The following TMEM87A variants were observed in gnomAD, a reference collection of about 807,000 sequenced individuals.
The protein encoded by TMEM87A is Golgi-pH regulating cation channel.
A neutral mutation model predicts 90.0 loss-of-function variants in TMEM87A; 50 were observed. The observed-to-expected ratio is 0.56, with a 90% CI of 0.44 to 0.70. The LOEUF is 0.70. Ranked by LOEUF, TMEM87A falls within the 30% of genes least tolerant of loss-of-function variation. The pLI, the probability that TMEM87A is intolerant of heterozygous loss-of-function variation, is 0.00. For missense variants in TMEM87A, 577 were observed against 660.5 expected (o/e 0.87, Z 1.39); for synonymous variants, 226 against 226.7 (o/e 1.00, Z 0.03).
chr15:42,251,667 C>A (rs1384205702), intron 6 of TMEM87A, among the ~76,000 whole-genome samples: 4 of 152,218 alleles, frequency 2.6e-5, no homozygotes, highest in Admixed American at 2.0e-4. Context: ...TTGGCCCCTA[C>A]TGGGAGGTGT....
intron 6 of TMEM87A, chr15:42,258,068 G>A (rs1439156086): frequency 3.7e-5 from 36 of 974,402 alleles, no homozygotes; most frequent in Non-Finnish European, 4.3e-5. Context: ...TCACAACACT[G>A]CATAAAATTC....
Position 42,211,184 on chromosome 15 carries a change from A to T in TMEM87A, c.*524T>A, listed in dbSNP as rs2050279642. 1.3e-5 allele frequency: 2 copies of T among 151,174 alleles called. No homozygotes were observed. Among genetic ancestry groups the T allele is most frequent in the Non-Finnish European group, 1.5e-5 (1 of 67,918 alleles). 9.4% of individuals were successfully genotyped at this position (151,174 alleles called of 1,614,324 possible). ...TCATTGATAGAACTATGGCTCCTTAACTCAGAAGGGCCCTTTTTTCTCAAA... is the reference window on the plus strand; with the variant it reads ...TCATTGATAGAACTATGGCTCCTTATCTCAGAAGGGCCCTTTTTTCTCAAA... On this transcript the variant is annotated 3_prime_UTR_variant, in exon 20 of 20. Coordinates refer to ENST00000389834, the MANE Select transcript of TMEM87A (RefSeq NM_015497.5).
At position 42,228,755 on chromosome 15, in the gene TMEM87A, AGAGAG is replaced by A. The variant is rs1245394093; in HGVS notation, c.1192_1196del (p.Leu398PhefsTer77). ...GCGTGTTGGTGAAATGCCGATACAA[AGAGAG>A]TTTTACAATGTTCCTCCGAAGTTTT... is the stretch of plus-strand genomic sequence containing the variant. On this transcript the variant is annotated frameshift_variant, in exon 13 of 20. Coordinates refer to ENST00000389834, the MANE Select transcript of TMEM87A (RefSeq NM_015497.5). LOFTEE classifies it high-confidence loss of function. The A allele has an allele frequency of 6.2e-7, 1 of 1,609,932 alleles. No individual in the cohort carries two copies. Among genetic ancestry groups the A allele is most frequent in the Non-Finnish European group, 8.5e-7 (1 of 1,178,958 alleles).
intron 7 of TMEM87A, among the ~76,000 whole-genome samples, chr15:42,243,269 AAAATAAATAAAT>A (rs1204941803): frequency 1.7e-4 from 20 of 117,610 alleles, no homozygotes; most frequent in African/African-American, 4.9e-4. Flanking sequence ...TTCCATCTCA[AAAATAAATAAAT>A]AAATAAATAA....
At chr15:42,216,666 T>C (rs2050388158) in intron 19 of TMEM87A, among the ~76,000 whole-genome samples, 2 of 152,204 alleles carry the variant, frequency 1.3e-5, no homozygotes, top group Admixed American at 6.5e-5. Context: ...AGCAAAGTGT[T>C]ATGTAGATAG....
chr15:42,219,390 A>T (rs191158966), intron 17 of TMEM87A, among the ~76,000 whole-genome samples, 191 bp downstream of exon 17: 2 of 152,248 alleles, frequency 1.3e-5, no homozygotes, highest in East Asian at 1.9e-4. Flanking sequence ...TGCTGGGCAG[A>T]AGCTTTATAG....
At chr15:42,270,098 G>A (rs1204863832) in intron 2 of TMEM87A, among the ~76,000 whole-genome samples, 2 of 152,138 alleles carry the variant, frequency 1.3e-5, no homozygotes, top group African/African-American at 2.4e-5. Flanking sequence ...GGCCGGGCAC[G>A]GTGGCTCACA....
rs1329153979 is a variant in TMEM87A, at chr15:42,237,494, C to T, written c.806G>A (p.Gly269Glu). The T allele has an allele frequency of 6.2e-7, 1 of 1,614,098 alleles. No homozygotes were observed. Among genetic ancestry groups the T allele is most frequent in the South Asian group, 1.1e-5 (1 of 91,078 alleles). ...ATAGAAGACAGCTTTCTCAAGCATT[C>T]CCAGGAAGATGACAGCACCAATCCA... ...QFWIGAVIFL[G>E]MLEKAVFYAE... is the part of the protein sequence containing the mutation. The change falls in exon 9 of 20, where the codon GGA becomes GAA. Residue 269 changes from glycine (G) to glutamate (E), a missense_variant. Transcript: ENST00000389834.
intron 2 of TMEM87A, among the ~76,000 whole-genome samples, chr15:42,271,849 G>A (rs948560522): frequency 1.3e-5 from 2 of 151,098 alleles, no homozygotes; most frequent in African/African-American, 4.9e-5. Context: ...GTGTATATAT[G>A]CAATGTAAAC....
Position 42,211,477 on chromosome 15 carries a change from C to T in TMEM87A, c.*231G>A. On this transcript the variant is annotated 3_prime_UTR_variant, in exon 20 of 20. Transcript: ENST00000389834. ...TGTCAGAGTCTGGGAGGAAAGGGGG[C>T]AGCAGTGTTGTAAATAAGAAGCTCG... is the stretch of plus-strand genomic sequence containing the variant. The T allele has an allele frequency of 2.2e-6, 1 of 447,714 alleles. No individual in the cohort carries two copies. The highest frequency in any genetic ancestry group is 4.0e-6 in the Non-Finnish European group (1 of 250,522). The allele number at this position is 447,714 out of a possible 1,614,324, so 27.7% of individuals were successfully genotyped here. A position where few individuals can be genotyped will look rare whatever the true frequency, so the allele number is the denominator to read the frequency against.
rs1192668953 is a variant in TMEM87A, at chr15:42,242,500, C to T, written c.622+1550G>A. On this transcript the variant is annotated intron_variant, in intron 7 of 19. Coordinates refer to ENST00000389834, the MANE Select transcript of TMEM87A (RefSeq NM_015497.5). ...ATGGGCCTAAAAAGACAGGAGGATA[C>T]ACATGTATGAGTGAGGGGGAGAGGG... is the stretch of plus-strand genomic sequence containing the variant. 3.0e-5 allele frequency among the ~76,000 whole-genome samples: 4 copies of T among 132,496 alleles called. No homozygotes were observed. The Admixed American group carries it at 3.1e-4, about 10-fold the overall frequency. The allele number at this position is 132,496 out of a possible 152,430, so 86.9% of individuals were successfully genotyped here. A position where few individuals can be genotyped will look rare whatever the true frequency, so the allele number is the denominator to read the frequency against.
At chr15:42,243,864 A>T (rs1365432067) in intron 7 of TMEM87A, among the ~76,000 whole-genome samples, 186 bp downstream of exon 7, 1 of 152,152 alleles carries the variant, frequency 6.6e-6, no homozygotes, top group Non-Finnish European at 1.5e-5. Flanking sequence ...CTTGGTGACC[A>T]AGTTTTGACA....
At chr15:42,269,768 C>T (rs890357395) in intron 2 of TMEM87A, among the ~76,000 whole-genome samples, 1 of 149,048 alleles carries the variant, frequency 6.7e-6, no homozygotes, top group African/African-American at 2.5e-5. Context: ...AACCCCGTCT[C>T]TACTAAAAAT....
At chr15:42,269,223 G>C (rs1262035338) in intron 2 of TMEM87A, among the ~76,000 whole-genome samples, 2 of 151,620 alleles carry the variant, frequency 1.3e-5, no homozygotes, top group Non-Finnish European at 2.9e-5. Flanking sequence ...AGCTATGAAA[G>C]GAAAAATATA....
At position 42,231,251 on chromosome 15, in the gene TMEM87A, C is replaced by T; in HGVS notation, c.1072G>A (p.Asp358Asn). 1 of 1,575,276 alleles carries T rather than the reference C, an allele frequency of 6.3e-7. No individual in the cohort carries two copies. Among genetic ancestry groups the T allele is most frequent in the South Asian group, 1.2e-5 (1 of 84,544 alleles). Residue 358 changes from aspartate (D) to asparagine (N), a missense_variant, in exon 12 of 20, where the codon GAT (aspartate) becomes AAT (asparagine). Coordinates refer to ENST00000389834, the MANE Select transcript of TMEM87A (RefSeq NM_015497.5). ...GVLRVTGAQT[D>N]LASLAFIPLA... ...GGGATAAAGGCCAAGGAAGCAAGAT[C>T]AGTCTGGGCCTGCAGACAAAGAAAA...
chr15:42,242,709 GC>G (rs1348699524), intron 7 of TMEM87A, among the ~76,000 whole-genome samples: 3 of 152,070 alleles, frequency 2.0e-5, no homozygotes, highest in Non-Finnish European at 2.9e-5. Context: ...AAATGAGAAA[GC>G]CCATATGATC....
intron 6 of TMEM87A, among the ~76,000 whole-genome samples, chr15:42,253,508 A>G (rs149990081): frequency 1.3e-5 from 2 of 152,192 alleles, no homozygotes; most frequent in Admixed American, 6.5e-5. Context: ...TGGGGAAAAC[A>G]AAGTTAAGTC....
chr15:42,240,877 C>T (rs2050854933), intron 7 of TMEM87A, among the ~76,000 whole-genome samples: 1 of 152,142 alleles, frequency 6.6e-6, no homozygotes, highest in Non-Finnish European at 1.5e-5. Context: ...CTATACCTTC[C>T]TAATTCAATA....
intron 6 of TMEM87A, among the ~76,000 whole-genome samples, chr15:42,255,654 C>A (rs1438891108): frequency 1.3e-5 from 2 of 152,244 alleles, no homozygotes; most frequent in South Asian, 2.1e-4. Context: ...AAATGTATCA[C>A]ATTATTGCTT....
Sources: allele counts gnomAD v4.1 joint callset (sites outside exome capture counted in the v4.1 genomes callset), GRCh38; gene constraint gnomAD v4.1.1; transcripts MANE v1.5; gene names NCBI Gene and HGNC (gene_info 2026-07-23, HGNC 2026-07-21).